The following TRIM2 variants were observed in gnomAD, a reference collection of about 807,000 sequenced individuals.
The protein encoded by TRIM2 is tripartite motif containing 2.
TRIM2 carries 20 observed loss-of-function variants against 75.2 expected under a neutral mutation model. That is an observed-to-expected ratio of 0.27 (90% confidence interval 0.19 to 0.39). The LOEUF (loss-of-function observed/expected upper bound fraction) is 0.39. Among genes scored for constraint, TRIM2 ranks in the 10% least tolerant of loss-of-function variants. The pLI, the probability that TRIM2 is intolerant of heterozygous loss-of-function variation, is 1.00. For synonymous variants in TRIM2, 373 were observed against 388.3 expected (o/e 0.96, Z 0.46); for missense variants, 660 against 990.8 (o/e 0.67, Z 4.48).
At chr4:153,239,157 C>T (rs1578819007) in intron 1 of TRIM2, among the ~76,000 whole-genome samples, 1 of 152,096 alleles carries the variant, frequency 6.6e-6, no homozygotes, top group South Asian at 2.1e-4. Flanking sequence ...TCGAGACCAT[C>T]CTGGCTAACA....
At position 153,297,059 on chromosome 4, in the gene TRIM2, G is replaced by A. The variant is rs571668564; in HGVS notation, c.1510+1023G>A. 1.3e-4 allele frequency among the ~76,000 whole-genome samples: 20 copies of A among 152,218 alleles called. 1 individual carries two copies. The East Asian group carries it at 3.9e-3, about 29-fold the overall frequency. ...ATTGTAGGTCTCTGAGGCAGGAGAG[G>A]GATAGATAACAGGCAGCACATCCAA... On this transcript the variant is annotated intron_variant, in intron 6 of 11. Transcript: ENST00000338700.
intron 10 of TRIM2, among the ~76,000 whole-genome samples, chr4:153,327,215 G>C (rs1256673702): frequency 6.6e-6 from 1 of 152,152 alleles, no homozygotes; most frequent in Non-Finnish European, 1.5e-5. Flanking sequence ...GAACCACAAA[G>C]GTGGCTTGCT....
Position 153,295,309 on chromosome 4 carries a change from G to A in TRIM2, c.787-4G>A. 6.3e-7 allele frequency: 1 copy of A among 1,581,178 alleles called. No homozygotes were observed. ...AGCTCACCAGGCCTCCGGTTTTCCC[G>A]CAGGTCCTCCAGTCGCAGCTGGATA... On this transcript the variant is annotated splice_region_variant and splice_polypyrimidine_tract_variant and intron_variant, in intron 5 of 11. Transcript: ENST00000338700. The surrounding 1 kb of genome is among the most constrained non-coding windows in gnomAD (Gnocchi z 7.2).
intron 6 of TRIM2, among the ~76,000 whole-genome samples, chr4:153,304,035 G>A (rs933861359): frequency 3.3e-5 from 5 of 152,220 alleles, no homozygotes; most frequent in African/African-American, 1.2e-4. Flanking sequence ...TCAAGGCACA[G>A]AAGTCAGGAT....
intron 1 of TRIM2, among the ~76,000 whole-genome samples, chr4:153,174,800 C>T (rs886828379): frequency 2.0e-5 from 3 of 152,172 alleles, no homozygotes; most frequent in Non-Finnish European, 4.4e-5. Context: ...GCCATAAAGA[C>T]AGGTGAGAGG....
intron 1 of TRIM2, among the ~76,000 whole-genome samples, chr4:153,223,949 A>G (rs1741415021): frequency 6.6e-6 from 1 of 152,178 alleles, no homozygotes. Flanking sequence ...GTTTTCTTCT[A>G]AAAATGGAGA....
Position 153,250,227 on chromosome 4 carries a change from C to T in TRIM2, c.31-20108C>T, listed in dbSNP as rs182676214. ...CTCAGCTTCTTGGGTTCAAGTGATT[C>T]TCCTGCCTCAGCCTCCCAAGTAGCT... On this transcript the variant is annotated intron_variant, in intron 1 of 11. Coordinates refer to ENST00000338700, the MANE Select transcript of TRIM2 (RefSeq NM_015271.5). Among the ~76,000 whole-genome samples the T allele has an allele frequency of 3.1e-3, 465 of 152,174 alleles. 5 individuals carry two copies. Among genetic ancestry groups the T allele is most frequent in the African/African-American group, 0.011 (441 of 41,522 alleles).
intron 1 of TRIM2, among the ~76,000 whole-genome samples, chr4:153,240,455 A>G (rs1746257171): frequency 6.6e-6 from 1 of 152,182 alleles, no homozygotes; most frequent in Non-Finnish European, 1.5e-5. Context: ...TTTTTCTCCT[A>G]CTTAAAACAA....
upstream of TRIM2, among the ~76,000 whole-genome samples, chr4:153,152,833 T>G (rs1400348710): frequency 1.3e-5 from 2 of 152,212 alleles, no homozygotes; most frequent in East Asian, 3.8e-4. Context: ...CGCCTGCCTC[T>G]TGTTTTGTTT....
At chr4:153,259,956 C>T (rs890739711) in intron 1 of TRIM2, among the ~76,000 whole-genome samples, 1 of 152,122 alleles carries the variant, frequency 6.6e-6, no homozygotes, top group Non-Finnish European at 1.5e-5. Flanking sequence ...TTCACATTCT[C>T]GACAGCCTCT....
intron 11 of TRIM2, among the ~76,000 whole-genome samples, chr4:153,333,402 TACACAC>T (rs1771924683): frequency 1.3e-5 from 2 of 152,176 alleles, no homozygotes; most frequent in Non-Finnish European, 2.9e-5. Context: ...GTGGTAAATC[TACACAC>T]ATGATAAAAT....
chr4:153,314,644 G>T (rs1767197763), intron 6 of TRIM2, among the ~76,000 whole-genome samples: 1 of 151,650 alleles, frequency 6.6e-6, no homozygotes, highest in Non-Finnish European at 1.5e-5. Flanking sequence ...TTGGATTAAT[G>T]AATTTCCTTT....
chr4:153,173,690 G>A (rs1184423524), intron 1 of TRIM2, among the ~76,000 whole-genome samples: 4 of 141,858 alleles, frequency 2.8e-5, no homozygotes, highest in African/African-American at 5.3e-5. Context: ...TAATAAGGCC[G>A]GACGTGGTGG....
chr4:153,197,038 G>A (rs1049253042), intron 1 of TRIM2, among the ~76,000 whole-genome samples: 1 of 152,226 alleles, frequency 6.6e-6, no homozygotes, highest in African/African-American at 2.4e-5. Context: ...AAACCCATTG[G>A]CATGTTTGGA....
Position 153,228,759 on chromosome 4 carries a change from T to C in TRIM2, c.30+24199T>C, listed in dbSNP as rs139218679. Among the ~76,000 whole-genome samples the C allele has an allele frequency of 7.0e-4, 107 of 152,398 alleles. No individual in the cohort carries two copies. The Middle Eastern group carries it at 0.01, about 15-fold the overall frequency. ...CCAGGTCACGCGGCAGTCATAGTCA[T>C]GTACAATCAAGTGACCATTTATTTA... On this transcript the variant is annotated intron_variant, in intron 1 of 11. Coordinates refer to ENST00000338700, the MANE Select transcript of TRIM2 (RefSeq NM_015271.5).
chr4:153,159,120 G>C (rs1729502811), intron 1 of TRIM2, among the ~76,000 whole-genome samples: 1 of 152,120 alleles, frequency 6.6e-6, no homozygotes, highest in Non-Finnish European at 1.5e-5. Flanking sequence ...ATTAGTCTGT[G>C]ATGAGTATTT....
intron 6 of TRIM2, among the ~76,000 whole-genome samples, chr4:153,305,373 G>C (rs777684707): frequency 3.3e-5 from 5 of 152,232 alleles, no homozygotes; most frequent in Non-Finnish European, 7.3e-5. Flanking sequence ...GAGAGGCAAA[G>C]TAGGTAGTAC....
intron 1 of TRIM2, among the ~76,000 whole-genome samples, chr4:153,167,542 G>A (rs1730439226): frequency 6.6e-6 from 1 of 152,168 alleles, no homozygotes. Context: ...TTATTTTGAA[G>A]TCTTACTCAG....
At chr4:153,175,269 C>A (rs1731303503) in intron 1 of TRIM2, among the ~76,000 whole-genome samples, 1 of 152,072 alleles carries the variant, frequency 6.6e-6, no homozygotes, top group South Asian at 2.1e-4. Flanking sequence ...ATCCACCCGC[C>A]TCGGCTTCCC....
Sources: allele counts gnomAD v4.1 joint callset (sites outside exome capture counted in the v4.1 genomes callset), GRCh38; gene constraint gnomAD v4.1.1; non-coding constraint Gnocchi (gnomAD v3.1); transcripts MANE v1.5; gene names NCBI Gene and HGNC (gene_info 2026-07-23, HGNC 2026-07-21).